The following LONRF1 variants were observed in gnomAD, a reference collection of about 807,000 sequenced individuals.
The protein encoded by LONRF1 is LON peptidase N-terminal domain and RING finger protein 1.
Under a neutral mutation model 85.8 loss-of-function variants are expected in LONRF1, and 37 were observed. That is an observed-to-expected ratio of 0.43 (90% CI 0.33 to 0.57). The LOEUF is 0.57. Among genes scored for constraint, LONRF1 ranks in the 20% least tolerant of loss-of-function variants. The probability of loss-of-function intolerance (pLI) is 0.04; values close to 1 mark genes in which losing one functional copy is unlikely to be tolerated. For missense variants in LONRF1, 1,036 were observed against 978.0 expected (o/e 1.06, Z -0.79); for synonymous variants, 517 against 390.1 (o/e 1.33, Z -3.83).
intron 4 of LONRF1, 150 bp downstream of exon 4, chr8:12,737,845 G>A (rs1326715139): frequency 1.4e-6 from 1 of 695,340 alleles, no homozygotes; most frequent in African/African-American, 1.9e-5. Context: ...TTAGTGTAAA[G>A]TAAAGGCTAT....
At chr8:12,739,172 T>A (rs1798833942) in intron 3 of LONRF1, among the ~76,000 whole-genome samples, 1 of 152,064 alleles carries the variant, frequency 6.6e-6, no homozygotes, top group South Asian at 2.1e-4. Context: ...ACAAAATGAC[T>A]TGTACAAGAA....
chr8:12,740,738 T>A, intron 3 of LONRF1, 136 bp downstream of exon 3: 3 of 1,130,032 alleles, frequency 2.7e-6, no homozygotes, highest in Non-Finnish European at 3.7e-6. Flanking sequence ...TGAAAACCAC[T>A]CAAATTATCA....
At chr8:12,723,880 C>T (rs1320078087) in intron 11 of LONRF1, among the ~76,000 whole-genome samples, 1 of 152,180 alleles carries the variant, frequency 6.6e-6, no homozygotes, top group Non-Finnish European at 1.5e-5. Context: ...AAAAAAGAAA[C>T]ATATCTCCAG....
At chr8:12,739,987 A>C (rs547771302) in intron 3 of LONRF1, among the ~76,000 whole-genome samples, 5 of 152,320 alleles carry the variant, frequency 3.3e-5, no homozygotes, top group African/African-American at 1.2e-4. Context: ...TTCAGGGTAC[A>C]AAAACATCTC....
chr8:12,730,521 C>T (rs754690175), intron 8 of LONRF1, among the ~76,000 whole-genome samples: 2 of 152,076 alleles, frequency 1.3e-5, no homozygotes, highest in African/African-American at 2.4e-5. Context: ...GACACCCTGT[C>T]GCTTCTCTTC....
Position 12,737,107 on chromosome 8 carries a change from C to G in LONRF1, c.1147G>C (p.Val383Leu). 6.2e-7 allele frequency: 1 copy of G among 1,613,490 alleles called. No individual in the cohort carries two copies. Among genetic ancestry groups the G allele is most frequent in the Non-Finnish European group, 8.5e-7 (1 of 1,179,614 alleles). The stretch of plus-strand genomic sequence containing the variant: ...TGAGCACGGTTTAAGCTTCCTTTGA[C>G]AGGCTCTGAAGTGACCTCTGGTATT... ...EEIPEVTSEP[V>L]KGSLNRAQSA... Residue 383 changes from valine (V) to leucine (L), a missense_variant, in exon 5 of 12, where the codon GTC (valine) becomes CTC (leucine). Transcript: ENST00000398246.
At chr8:12,739,725 T>C (rs911099697) in intron 3 of LONRF1, among the ~76,000 whole-genome samples, 1 of 152,182 alleles carries the variant, frequency 6.6e-6, no homozygotes, top group Non-Finnish European at 1.5e-5. Context: ...AACAAATAGT[T>C]ACAGAAATAG....
chr8:12,755,173 G>A lies in LONRF1; in HGVS notation c.248C>T (p.Pro83Leu), dbSNP rs1330417540. ...GTCCACCAGGGCGCCCAGGCACTCGGGCCTGGCCGGGGCCCCGCGGCGCAG... is the reference window on the plus strand; with the variant it reads ...GTCCACCAGGGCGCCCAGGCACTCGAGCCTGGCCGGGGCCCCGCGGCGCAG... ...AALRRGAPAR[P>L]ECLGALVDCL... Residue 83 changes from proline to leucine, a missense_variant, in exon 1 of 12, where the codon CCC (proline) becomes CTC (leucine). This residue lies in a region of LONRF1 where 742 missense variants were observed against 614.4 expected (regional missense o/e 1.21). Transcript: ENST00000398246. The A allele has an allele frequency of 1.5e-6, 2 of 1,363,200 alleles. No homozygotes were observed. Among genetic ancestry groups the A allele is most frequent in the African/African-American group, 1.5e-5 (1 of 65,334 alleles). 84.4% of individuals were successfully genotyped at this position (1,363,200 alleles called of 1,614,324 possible).
chr8:12,751,004 G>C (rs559624482), intron 1 of LONRF1, among the ~76,000 whole-genome samples: 17 of 152,328 alleles, frequency 1.1e-4, no homozygotes, highest in Admixed American at 2.6e-4. Flanking sequence ...CTATGAGGTA[G>C]AGACTATTCT....
intron 2 of LONRF1, among the ~76,000 whole-genome samples, chr8:12,742,949 C>T (rs1308429755): frequency 1.3e-5 from 2 of 152,126 alleles, no homozygotes; most frequent in Non-Finnish European, 2.9e-5. Flanking sequence ...TGGTCTCAAA[C>T]TCCTGGGCTC....
intron 10 of LONRF1, among the ~76,000 whole-genome samples, chr8:12,728,482 A>G (rs982932035): frequency 6.6e-6 from 1 of 152,246 alleles, no homozygotes; most frequent in African/African-American, 2.4e-5. Context: ...TCAAATTTCA[A>G]TCTACTAATT....
chr8:12,743,130 T>C (rs746599080), intron 2 of LONRF1, 34 bp downstream of exon 2: 2 of 1,376,352 alleles, frequency 1.5e-6, no homozygotes, highest in Admixed American at 1.7e-5. Context: ...GTTAAAATTT[T>C]ACAATTTATG....
intron 7 of LONRF1, among the ~76,000 whole-genome samples, chr8:12,733,148 A>AGC (rs1798592341): frequency 6.6e-6 from 1 of 152,264 alleles, no homozygotes; most frequent in African/African-American, 2.4e-5. Flanking sequence ...TCAGGGGAGC[A>AGC]TGGGGAGAGG....
chr8:12,730,455 G>T (rs1024733054), intron 8 of LONRF1, among the ~76,000 whole-genome samples: 3 of 151,814 alleles, frequency 2.0e-5, no homozygotes, highest in Non-Finnish European at 4.4e-5. Flanking sequence ...ATAAACATAA[G>T]GTGAAACATG....
chr8:12,755,431 G>C lies in LONRF1; in HGVS notation c.-11C>G, dbSNP rs1317209450. On this transcript the variant is annotated 5_prime_UTR_variant, in exon 1 of 12. Coordinates refer to ENST00000398246, the MANE Select transcript of LONRF1 (RefSeq NM_152271.5). ...CGCCGGAGAGGACATGGCCCGCGGA[G>C]GGCTGCGCCGCCGCCGCCCGCCGCC... 4 of 1,131,274 alleles carry C rather than the reference G, an allele frequency of 3.5e-6. No individual in the cohort carries two copies. The highest frequency in any genetic ancestry group is 4.3e-6 in the Non-Finnish European group (4 of 924,072). The allele number at this position is 1,131,274 out of a possible 1,614,324, so 70.1% of individuals were successfully genotyped here. A position where few individuals can be genotyped will look rare whatever the true frequency, so the allele number is the denominator to read the frequency against.
intron 1 of LONRF1, among the ~76,000 whole-genome samples, chr8:12,743,557 C>G (rs1799024476): frequency 6.6e-6 from 1 of 152,032 alleles, no homozygotes; most frequent in Non-Finnish European, 1.5e-5. Context: ...AATAATCACT[C>G]CTAAGAAAAC....
chr8:12,754,561 C>A (rs980384991), intron 1 of LONRF1, 139 bp downstream of exon 1: 9 of 1,045,820 alleles, frequency 8.6e-6, no homozygotes, highest in African/African-American at 3.3e-5. Context: ...CCCAGCACCC[C>A]GAGACCCGAC....
chr8:12,749,026 A>T (rs1799275326), intron 1 of LONRF1, among the ~76,000 whole-genome samples: 1 of 152,212 alleles, frequency 6.6e-6, no homozygotes, highest in Non-Finnish European at 1.5e-5. Context: ...GACCTATAAT[A>T]TGCTTACCTC....
In LONRF1 at chr8:12,737,313, C is replaced by T. The variant is rs778635072; in HGVS notation, c.1114-173G>A. 19 of 820,028 alleles carry T rather than the reference C, an allele frequency of 2.3e-5. No individual in the cohort carries two copies. In the East Asian group the frequency reaches 4.8e-4, roughly 21 times the overall value. 50.8% of individuals were successfully genotyped at this position (820,028 alleles called of 1,614,324 possible). ...GACAAGTAAATGATTTTTGCCAGCA[C>T]AGTTGGCCCTCCGTATCCACAGGCT... On this transcript the variant is annotated intron_variant, in intron 4 of 11. Coordinates refer to ENST00000398246, the MANE Select transcript of LONRF1 (RefSeq NM_152271.5).
Sources: gnomAD v4.1 joint callset for allele counts (sites outside exome capture counted in the v4.1 genomes callset) on GRCh38, gnomAD v4.1.1 for gene constraint, gnomAD v4.1.1 regional missense constraint, MANE v1.5 for transcripts, NCBI Gene and HGNC (gene_info 2026-07-23, HGNC 2026-07-21) for gene names.